Variants in MTMR3 observed in about 807,000 individuals in gnomAD.
MTMR3 encodes the protein phosphatidylinositol-3,5-bisphosphate 3-phosphatase MTMR3.
In MTMR3, 32 loss-of-function variants were observed where a neutral mutation model predicts 132.4. The ratio of observed to expected loss-of-function variants is 0.24; its 90% CI spans 0.18 to 0.32. MTMR3 has a LOEUF of 0.32. MTMR3 is among the 10% of genes least tolerant of loss of function. MTMR3 has a pLI of 1.00. For missense variants in MTMR3, 1,216 were observed against 1,489.6 expected (o/e 0.82, Z 3.02); for synonymous variants, 556 against 550.3 (o/e 1.01, Z -0.14).
chr22:29,934,238 C>G (rs2065704009), intron 1 of MTMR3, among the ~76,000 whole-genome samples: 1 of 152,054 alleles, frequency 6.6e-6, no homozygotes, highest in African/African-American at 2.4e-5. Context: ...CCTGTAGACT[C>G]AGCTACTCCG....
At chr22:29,960,271 G>C (rs953150395) in intron 2 of MTMR3, among the ~76,000 whole-genome samples, 2 of 152,152 alleles carry the variant, frequency 1.3e-5, no homozygotes, top group African/African-American at 4.8e-5. Context: ...TAAAGGATAT[G>C]ATTGGATTCA....
At chr22:29,896,291 T>C (rs2064894275) in intron 1 of MTMR3, among the ~76,000 whole-genome samples, 2 of 152,112 alleles carry the variant, frequency 1.3e-5, no homozygotes, top group Admixed American at 6.6e-5. Context: ...GCCTAGGTGA[T>C]AGAGTGAGAC....
chr22:30,021,976 C>G, intron 17 of MTMR3, 53 bp from the exon 18 acceptor site: 1 of 1,456,736 alleles, frequency 6.9e-7, no homozygotes, highest in South Asian at 1.2e-5. Flanking sequence ...GCCTTTTCTT[C>G]TTTTGGGAGG....
chr22:29,936,346 G>A (rs1443172292), intron 1 of MTMR3, among the ~76,000 whole-genome samples: 4 of 152,064 alleles, frequency 2.6e-5, no homozygotes, highest in East Asian at 1.9e-4. Context: ...TGTCTTATCC[G>A]GTCAGCTTTT....
intron 2 of MTMR3, among the ~76,000 whole-genome samples, chr22:29,962,842 G>A (rs1053377419): frequency 4.0e-5 from 6 of 151,718 alleles, no homozygotes; most frequent in Admixed American, 1.3e-4. Flanking sequence ...TCATCATTTA[G>A]CATAATGTTT....
chr22:29,912,135 T>C (rs2065225655), intron 1 of MTMR3, among the ~76,000 whole-genome samples: 1 of 152,182 alleles, frequency 6.6e-6, no homozygotes, highest in African/African-American at 2.4e-5. Flanking sequence ...TGCCCACTTG[T>C]GGATTAAATG....
intron 1 of MTMR3, among the ~76,000 whole-genome samples, chr22:29,942,495 C>T (rs1317596109): frequency 1.3e-5 from 2 of 152,212 alleles, no homozygotes; most frequent in East Asian, 1.9e-4. Context: ...GAGCAGACAA[C>T]TGGTCTGACC....
chr22:29,909,796 G>C (rs2065172384), intron 1 of MTMR3, among the ~76,000 whole-genome samples: 1 of 152,120 alleles, frequency 6.6e-6, no homozygotes, highest in Admixed American at 6.5e-5. Context: ...ACATAAATTT[G>C]CTTCTTGTTA....
chr22:29,889,809 T>G (rs2064757230), intron 1 of MTMR3, among the ~76,000 whole-genome samples: 1 of 152,170 alleles, frequency 6.6e-6, no homozygotes, highest in Non-Finnish European at 1.5e-5. Flanking sequence ...TAATGGATAT[T>G]GTCAATTTTT....
At chr22:29,966,947 A>G (rs1301218298) in intron 2 of MTMR3, among the ~76,000 whole-genome samples, 8 of 151,998 alleles carry the variant, frequency 5.3e-5, no homozygotes, top group Non-Finnish European at 8.8e-5. Flanking sequence ...AGTCTTTTAT[A>G]TGTTTCTTAC....
intron 1 of MTMR3, among the ~76,000 whole-genome samples, chr22:29,884,437 C>T (rs2064624412): frequency 6.6e-6 from 1 of 151,990 alleles, no homozygotes; most frequent in Non-Finnish European, 1.5e-5. Flanking sequence ...TGGGGACCTT[C>T]CCCTTTCAGA....
At chr22:29,907,778 G>T (rs564869431) in intron 1 of MTMR3, among the ~76,000 whole-genome samples, 1 of 152,028 alleles carries the variant, frequency 6.6e-6, no homozygotes, top group South Asian at 2.1e-4. Flanking sequence ...GCTTGGATGT[G>T]TATCTGTATC....
chr22:29,892,471 A>G (rs2064819314), intron 1 of MTMR3, among the ~76,000 whole-genome samples: 1 of 152,212 alleles, frequency 6.6e-6, no homozygotes, highest in Non-Finnish European at 1.5e-5. Flanking sequence ...TTTGCTTTCA[A>G]AGTACCACAA....
intron 1 of MTMR3, among the ~76,000 whole-genome samples, chr22:29,886,307 A>G (rs1248317662): frequency 6.6e-6 from 1 of 152,218 alleles, no homozygotes; most frequent in Non-Finnish European, 1.5e-5. Context: ...CCTTTAAGAA[A>G]TTGTTTTCTA....
chr22:30,007,400 A>G (rs1324982830), intron 10 of MTMR3, 81 bp downstream of exon 10: 2 of 1,332,608 alleles, frequency 1.5e-6, no homozygotes, highest in East Asian at 4.8e-5. Context: ...TCCTTACAAG[A>G]CATAGATTTA....
chr22:29,942,498 G>A (rs2065876153), intron 1 of MTMR3, among the ~76,000 whole-genome samples: 1 of 152,142 alleles, frequency 6.6e-6, no homozygotes, highest in South Asian at 2.1e-4. Flanking sequence ...CAGACAACTG[G>A]TCTGACCAAA....
intron 1 of MTMR3, among the ~76,000 whole-genome samples, chr22:29,889,444 G>T (rs576522107): frequency 6.6e-6 from 1 of 151,668 alleles, no homozygotes; most frequent in South Asian, 2.1e-4. Flanking sequence ...CTGCCACCAC[G>T]CCTGGCTAAT....
At chr22:29,938,475 G>A (rs1009280588) in intron 1 of MTMR3, among the ~76,000 whole-genome samples, 1 of 152,240 alleles carries the variant, frequency 6.6e-6, no homozygotes, top group African/African-American at 2.4e-5. Context: ...ACTTCCCCCA[G>A]CCCGCTGGTA....
chr22:29,942,406 C>CACAGGACA (rs372018880), intron 1 of MTMR3, among the ~76,000 whole-genome samples: 25 of 152,160 alleles, frequency 1.6e-4, no homozygotes, highest in African/African-American at 5.8e-4. Flanking sequence ...ACCACAGGAC[C>CACAGGACA]GGGGCAAAAT....
Sources: allele counts gnomAD v4.1 joint callset (sites outside exome capture counted in the v4.1 genomes callset), GRCh38; gene constraint gnomAD v4.1.1; transcripts MANE v1.5; gene names NCBI Gene and HGNC (gene_info 2026-07-23, HGNC 2026-07-21).